The following ERFL variants were observed in gnomAD, a reference collection of about 807,000 sequenced individuals.
ERFL encodes ETS domain-containing transcription factor ERF-like.
ERFL carries 8 observed loss-of-function variants against 27.9 expected under a neutral mutation model. The observed-to-expected ratio is 0.29, with a 90% confidence interval of 0.17 to 0.52. The LOEUF is 0.52. Ranked by LOEUF, ERFL falls within the 20% of genes least tolerant of loss-of-function variation. The pLI is 0.97. For missense variants in ERFL, 294 were observed against 444.4 expected, an observed-to-expected ratio of 0.66 and a Z score of 3.04; for synonymous variants, 174 against 202.8, an observed-to-expected ratio of 0.86 and a Z score of 1.21.
Position 41,909,520 on chromosome 19 carries a change from C to G in ERFL, c.303-49G>C. The G allele has an allele frequency of 8.1e-7, 1 of 1,233,482 alleles. No individual in the cohort carries two copies. The highest frequency in any genetic ancestry group is 1.0e-6 in the Non-Finnish European group (1 of 982,098). The allele number at this position is 1,233,482 out of a possible 1,614,324, so 76.4% of individuals were successfully genotyped here. A position where few individuals can be genotyped will look rare whatever the true frequency, so the allele number is the denominator to read the frequency against. ...GGGAGGTGCAGGGGGAGCCCTGGGGCGGGATCTGGGGTTTCTTAATGCGTG... is the reference window on the plus strand; with the variant it reads ...GGGAGGTGCAGGGGGAGCCCTGGGGGGGGATCTGGGGTTTCTTAATGCGTG... On this transcript the variant is annotated intron_variant, in intron 3 of 5. Coordinates refer to ENST00000597630, the MANE Select transcript of ERFL (RefSeq NM_001365103.2). This position sits in a 1 kb window ranked among gnomAD's most constrained non-coding sequence, Gnocchi z 5.2.
In ERFL at chr19:41,910,479, A is replaced by C. The variant is rs1469237548; in HGVS notation, c.68-382T>G. Reference sequence around the variant, plus strand: ...CTCACTGCCCCCAGCCAGCCCTAGGAGGTCTCTAGTCTCTTGTACCCTGCG... The same window carrying C: ...CTCACTGCCCCCAGCCAGCCCTAGGCGGTCTCTAGTCTCTTGTACCCTGCG... On this transcript the variant is annotated intron_variant, in intron 2 of 5. Transcript: ENST00000597630. The surrounding 1 kb of genome is among the most constrained non-coding windows in gnomAD (Gnocchi z 4.4). Among the ~76,000 whole-genome samples the C allele has an allele frequency of 6.6e-6, 1 of 151,992 alleles. No individual in the cohort carries two copies. The highest frequency in any genetic ancestry group is 2.4e-5 in the African/African-American group (1 of 41,384).
chr19:41,918,394 A>G (rs1403961527), intron 1 of ERFL, among the ~76,000 whole-genome samples: 1 of 147,784 alleles, frequency 6.8e-6, no homozygotes, highest in Non-Finnish European at 1.5e-5. Context: ...CACCACATAC[A>G]CATACCATAT....
chr19:41,927,839 C>T (rs2074880600), intron 1 of ERFL, among the ~76,000 whole-genome samples: 2 of 151,560 alleles, frequency 1.3e-5, no homozygotes, highest in South Asian at 4.2e-4. Context: ...TCTAGCGCTA[C>T]CCGCCTCCCA....
chr19:41,911,121 G>C (rs782001551), intron 2 of ERFL, among the ~76,000 whole-genome samples: 9 of 152,122 alleles, frequency 5.9e-5, no homozygotes, highest in South Asian at 4.1e-4. Context: ...CCTGCACACA[G>C]AGGCACCCAC....
At chr19:41,912,622 TCCCAG>T (rs2074759852) in intron 2 of ERFL, among the ~76,000 whole-genome samples, 1 of 152,026 alleles carries the variant, frequency 6.6e-6, no homozygotes, top group Non-Finnish European at 1.5e-5. Flanking sequence ...TTCCGTACCC[TCCCAG>T]AAGACCCACC....
intron 1 of ERFL, among the ~76,000 whole-genome samples, chr19:41,925,262 G>C (rs1177977841): frequency 6.6e-6 from 1 of 152,094 alleles, no homozygotes; most frequent in Admixed American, 6.5e-5. Context: ...GCAGGTGCAG[G>C]GGGTTACTGG....
chr19:41,924,787 G>A (rs1184574610), intron 1 of ERFL, among the ~76,000 whole-genome samples: 1 of 152,132 alleles, frequency 6.6e-6, no homozygotes, highest in Non-Finnish European at 1.5e-5. Context: ...GGCGCTCCTC[G>A]AGGAGAGAGC....
Position 41,916,637 on chromosome 19 carries a change from C to A in ERFL, c.-13-3705G>T, listed in dbSNP as rs1430309551. On this transcript the variant is annotated intron_variant, in intron 1 of 5. Transcript: ENST00000597630. This position sits in a 1 kb window ranked among gnomAD's most constrained non-coding sequence, Gnocchi z 5.4. ...ACACAATCGCACACTGAGACAACAG[C>A]ACACAGAAACAGACACACAGTCACA... Among the ~76,000 whole-genome samples, 3 of 152,074 alleles carry A rather than the reference C, an allele frequency of 2.0e-5. No individual in the cohort carries two copies. Among genetic ancestry groups the A allele is most frequent in the African/African-American group, 7.2e-5 (3 of 41,384 alleles).
At chr19:41,912,135 A>C (rs2145884380) in intron 2 of ERFL, among the ~76,000 whole-genome samples, 1 of 152,338 alleles carries the variant, frequency 6.6e-6, no homozygotes, top group East Asian at 1.9e-4. Context: ...CGCCCAGCCC[A>C]GAGACACTCA....
Position 41,909,023 on chromosome 19 carries a change from C to T in ERFL, c.616+37G>A, listed in dbSNP as rs895753928. ...TCCCTCAAGCCTGCAGCTTCTCCCA[C>T]TGTGCCCCCAGCACCCCAGAACCTC... On this transcript the variant is annotated intron_variant, in intron 5 of 5. Coordinates refer to ENST00000597630, the MANE Select transcript of ERFL (RefSeq NM_001365103.2). This position sits in a 1 kb window ranked among gnomAD's most constrained non-coding sequence, Gnocchi z 5.2. The T allele has an allele frequency of 4.3e-6, 5 of 1,167,896 alleles. No homozygotes were observed. Among genetic ancestry groups the T allele is most frequent in the Non-Finnish European group, 5.4e-6 (5 of 930,048 alleles). The allele number at this position is 1,167,896 out of a possible 1,614,324, so 72.3% of individuals were successfully genotyped here.
Position 41,909,047 on chromosome 19 carries a change from T to G in ERFL, c.616+13A>C. ...ACTGTGCCCCCAGCACCCCAGAACC[T>G]CCAGGCTCTTACCAGAGCCCAGGAA... On this transcript the variant is annotated intron_variant, in intron 5 of 5. Transcript: ENST00000597630. This position sits in a 1 kb window ranked among gnomAD's most constrained non-coding sequence, Gnocchi z 5.2. 8.2e-7 allele frequency: 1 copy of G among 1,221,368 alleles called. No homozygotes were observed. Among genetic ancestry groups the G allele is most frequent in the African/African-American group, 1.6e-5 (1 of 63,982 alleles). The allele number at this position is 1,221,368 out of a possible 1,614,324, so 75.7% of individuals were successfully genotyped here. A position where few individuals can be genotyped will look rare whatever the true frequency, so the allele number is the denominator to read the frequency against.
Position 41,917,650 on chromosome 19 carries a change from A to G in ERFL, c.-13-4718T>C, listed in dbSNP as rs1208749878. ...ACACACCATGCCCCAAAGCACACGCACGCACGCACACACACACCCTGACTG... is the reference window on the plus strand; with the variant it reads ...ACACACCATGCCCCAAAGCACACGCGCGCACGCACACACACACCCTGACTG... On this transcript the variant is annotated intron_variant, in intron 1 of 5. Transcript: ENST00000597630. The surrounding 1 kb of genome is among the most constrained non-coding windows in gnomAD (Gnocchi z 4.8). 6.6e-6 allele frequency among the ~76,000 whole-genome samples: 1 copy of G among 151,756 alleles called. No homozygotes were observed. Among genetic ancestry groups the G allele is most frequent in the Non-Finnish European group, 1.5e-5 (1 of 67,906 alleles).
At chr19:41,926,828 G>T (rs1599682754) in intron 1 of ERFL, among the ~76,000 whole-genome samples, 1 of 152,290 alleles carries the variant, frequency 6.6e-6, no homozygotes, top group East Asian at 1.9e-4. Context: ...CAGAAAATTC[G>T]ATCCTGGGCC....
At chr19:41,926,962 G>T (rs1279999583) in intron 1 of ERFL, among the ~76,000 whole-genome samples, 1 of 151,990 alleles carries the variant, frequency 6.6e-6, no homozygotes, top group East Asian at 1.9e-4. Flanking sequence ...GAGAGAGATA[G>T]AAAGAGATGC....
Position 41,921,057 on chromosome 19 carries a change from G to A in ERFL, c.-14+6983C>T, listed in dbSNP as rs566567032. Among the ~76,000 whole-genome samples, 160 of 152,338 alleles carry A rather than the reference G, an allele frequency of 1.1e-3. No individual in the cohort carries two copies. Among genetic ancestry groups the A allele is most frequent in the African/African-American group, 3.4e-3 (142 of 41,570 alleles). On this transcript the variant is annotated intron_variant, in intron 1 of 5. Transcript: ENST00000597630. The surrounding 1 kb of genome is among the most constrained non-coding windows in gnomAD (Gnocchi z 4.4). Reference sequence around the variant, plus strand: ...CGAATGGTGTCAGTTGAGGGGTGGCGAGGGAGCGTCCCCGGGGAGGTGGGA... The same window carrying A: ...CGAATGGTGTCAGTTGAGGGGTGGCAAGGGAGCGTCCCCGGGGAGGTGGGA...
At chr19:41,915,142 C>G (rs1184386797) in intron 1 of ERFL, among the ~76,000 whole-genome samples, 12 of 121,158 alleles carry the variant, frequency 9.9e-5, no homozygotes, top group African/African-American at 4.0e-4. Flanking sequence ...GCCCCCACCC[C>G]CTATTGGCCC....
intron 2 of ERFL, among the ~76,000 whole-genome samples, chr19:41,911,583 A>T (rs1800558433): frequency 6.6e-6 from 1 of 152,004 alleles, no homozygotes; most frequent in Non-Finnish European, 1.5e-5. Flanking sequence ...AAGGCCGGGG[A>T]GCTCCAGGCA....
chr19:41,908,402 AG>A lies in ERFL; in HGVS notation c.890del (p.Pro297LeufsTer68). 1 of 1,231,148 alleles carries A rather than the reference AG, an allele frequency of 8.1e-7. No individual in the cohort carries two copies. Among genetic ancestry groups the A allele is most frequent in the East Asian group, 3.2e-5 (1 of 31,654 alleles). The allele number at this position is 1,231,148 out of a possible 1,614,324, so 76.3% of individuals were successfully genotyped here. A position where few individuals can be genotyped will look rare whatever the true frequency, so the allele number is the denominator to read the frequency against. Reference protein sequence around the residue: ...PERPSGLAAAPRLALPGAGGP... With the variant: ...PERPSGLAAAXRLALPGAGGP... ...CCCCAGCCCCTGGCAGCGCCAGGCG[AG>A]GGGCCGCTGCCAGGCCCGAGGGGCG... On this transcript the variant is annotated frameshift_variant, in exon 6 of 6. Coordinates refer to ENST00000597630, the MANE Select transcript of ERFL (RefSeq NM_001365103.2). LOFTEE classifies it high-confidence loss of function. The surrounding 1 kb of genome is among the most constrained non-coding windows in gnomAD (Gnocchi z 6.7).
At chr19:41,914,655 CATCTCT>C (rs1243166699) in intron 1 of ERFL, among the ~76,000 whole-genome samples, 2 of 33,288 alleles carry the variant, frequency 6.0e-5, no homozygotes, top group East Asian at 1.2e-3. Flanking sequence ...CCCTTTCCAC[CATCTCT>C]GTCTCTCCCT....
Sources: allele counts gnomAD v4.1 joint callset (sites outside exome capture counted in the v4.1 genomes callset), GRCh38; gene constraint gnomAD v4.1.1; non-coding constraint Gnocchi (gnomAD v3.1); transcripts MANE v1.5; gene names NCBI Gene and HGNC (gene_info 2026-07-23, HGNC 2026-07-21).